KCNQ1OT1: variants seen among roughly 807,000 people sequenced by gnomAD.
The protein encoded by KCNQ1OT1 is KCNQ1 antisense RNA 2 (non-protein coding).
exon 1 of KCNQ1OT1, chr11:2,650,684 T>G (rs2133842354): frequency 2.5e-6 from 1 of 398,652 alleles, no homozygotes; most frequent in African/African-American, 2.1e-5. Context: ...TCTTCTCTGA[T>G]TCTGTATGCA....
Position 2,645,168 on chromosome 11 carries a change from T to C in KCNQ1OT1, n.54827A>G. 1 of 398,620 alleles carries C rather than the reference T, an allele frequency of 2.5e-6. No homozygotes were observed. Among genetic ancestry groups the C allele is most frequent in the Non-Finnish European group, 4.4e-6 (1 of 226,086 alleles). The allele number at this position is 398,620 out of a possible 1,614,324, so 24.7% of individuals were successfully genotyped here. A position where few individuals can be genotyped will look rare whatever the true frequency, so the allele number is the denominator to read the frequency against. ...AATCTTCTGCCTCCCAAGGTGTCCA[T>C]GCTGGTATTGGGATGGCTGGGATAA... On this transcript the variant is annotated non_coding_transcript_exon_variant, in exon 1 of 1. Transcript: ENST00000597346. The surrounding 1 kb of genome is among the most constrained non-coding windows in gnomAD (Gnocchi z 5.8).
Position 2,682,367 on chromosome 11 carries a change from A to G in KCNQ1OT1, n.17628T>C, listed in dbSNP as rs1850412824. 1 of 398,636 alleles carries G rather than the reference A, an allele frequency of 2.5e-6. No homozygotes were observed. The highest frequency in any genetic ancestry group is 4.4e-6 in the Non-Finnish European group (1 of 226,088). The allele number at this position is 398,636 out of a possible 1,614,324, so 24.7% of individuals were successfully genotyped here. On this transcript the variant is annotated non_coding_transcript_exon_variant, in exon 1 of 1. Coordinates refer to ENST00000597346, the Ensembl canonical transcript of KCNQ1OT1. This position sits in a 1 kb window ranked among gnomAD's most constrained non-coding sequence, Gnocchi z 5.8. ...AAGGGTTTACTGGCTGGCTCCTTCT[A>G]TCACATTCAAGGAGCATGAGGGTAT... is the stretch of plus-strand genomic sequence containing the variant.
At chr11:2,697,766 A>G (rs1296278373) in exon 1 of KCNQ1OT1, 1 of 398,504 alleles carries the variant, frequency 2.5e-6, no homozygotes, top group Non-Finnish European at 4.4e-6. Context: ...GGATTCAGTT[A>G]GCTAGCATTG....
exon 1 of KCNQ1OT1, chr11:2,699,964 G>A (rs1297149523): frequency 3.8e-5 from 15 of 398,248 alleles, no homozygotes; most frequent in Non-Finnish European, 6.2e-5. Flanking sequence ...CTCCCTGGAG[G>A]TCCGTGCTGA....
chr11:2,630,563 G>C (rs1246953744), exon 1 of KCNQ1OT1: 1 of 398,050 alleles, frequency 2.5e-6, no homozygotes. Flanking sequence ...GAAAACAATA[G>C]TAATTTTTAA....
chr11:2,696,517 CT>C, exon 1 of KCNQ1OT1: 1 of 398,658 alleles, frequency 2.5e-6, no homozygotes, highest in Non-Finnish European at 4.4e-6. Flanking sequence ...CTCTGCTCTC[CT>C]TTTCAAAAGT....
chr11:2,687,886 G>T lies in KCNQ1OT1; in HGVS notation n.12109C>A, dbSNP rs1165499594. ...AAGGCTGGACTTGGGGTGTCCCGCGGAAATCCTGGTGGGATGGAAAATCCC... is the reference window on the plus strand; with the variant it reads ...AAGGCTGGACTTGGGGTGTCCCGCGTAAATCCTGGTGGGATGGAAAATCCC... On this transcript the variant is annotated non_coding_transcript_exon_variant, in exon 1 of 1. Coordinates refer to ENST00000597346, the Ensembl canonical transcript of KCNQ1OT1. This position sits in a 1 kb window ranked among gnomAD's most constrained non-coding sequence, Gnocchi z 5.0. The T allele has an allele frequency of 2.5e-6, 1 of 398,594 alleles. No homozygotes were observed. The highest frequency in any genetic ancestry group is 4.4e-5 in the Admixed American group (1 of 22,726). The allele number at this position is 398,594 out of a possible 1,614,324, so 24.7% of individuals were successfully genotyped here.
At chr11:2,614,035 G>C (rs1229769484) in exon 1 of KCNQ1OT1, 1 of 398,390 alleles carries the variant, frequency 2.5e-6, no homozygotes, top group Non-Finnish European at 4.4e-6. Context: ...TCCTTAGTGT[G>C]ACTGTGCTAT....
chr11:2,624,649 A>G lies in KCNQ1OT1; in HGVS notation n.75346T>C. ...TTCAGTGAATGTATTAGATACGTTC[A>G]CAATGCTGTGCAATCATCACTATCA... On this transcript the variant is annotated non_coding_transcript_exon_variant, in exon 1 of 1. Transcript: ENST00000597346. This position sits in a 1 kb window ranked among gnomAD's most constrained non-coding sequence, Gnocchi z 4.9. 1 of 398,602 alleles carries G rather than the reference A, an allele frequency of 2.5e-6. No individual in the cohort carries two copies. 24.7% of individuals were successfully genotyped at this position (398,602 alleles called of 1,614,324 possible). A position where few individuals can be genotyped will look rare whatever the true frequency, so the allele number is the denominator to read the frequency against.
At chr11:2,689,611 G>C in exon 1 of KCNQ1OT1, 2 of 398,676 alleles carry the variant, frequency 5.0e-6, no homozygotes, top group South Asian at 2.5e-4. Flanking sequence ...AAGGATCCGG[G>C]TATTTTAGGA....
chr11:2,695,511 A>C lies in KCNQ1OT1; in HGVS notation n.4484T>G. 1 of 398,374 alleles carries C rather than the reference A, an allele frequency of 2.5e-6. No individual in the cohort carries two copies. Among genetic ancestry groups the C allele is most frequent in the East Asian group, 3.6e-5 (1 of 28,072 alleles). The allele number at this position is 398,374 out of a possible 1,614,324, so 24.7% of individuals were successfully genotyped here. A position where few individuals can be genotyped will look rare whatever the true frequency, so the allele number is the denominator to read the frequency against. On this transcript the variant is annotated non_coding_transcript_exon_variant, in exon 1 of 1. Transcript: ENST00000597346. This position sits in a 1 kb window ranked among gnomAD's most constrained non-coding sequence, Gnocchi z 5.2. ...GTGTACATCTAGTCCCCTGCTCCTA[A>C]CCACAGTGACCAGCTCCAACTGCCC...
At chr11:2,648,354 G>A (rs1276926148) in exon 1 of KCNQ1OT1, 11 of 398,294 alleles carry the variant, frequency 2.8e-5, no homozygotes, top group African/African-American at 8.2e-5. Context: ...CTTGAGATGC[G>A]TTTATTAGGT....
exon 1 of KCNQ1OT1, chr11:2,631,870 T>C (rs1382302334): frequency 2.5e-6 from 1 of 398,212 alleles, no homozygotes; most frequent in East Asian, 3.6e-5. Flanking sequence ...TTTCAGATTG[T>C]TTGTGATTAA....
rs1424983227 is a variant in KCNQ1OT1 at position 2,617,323 on chromosome 11, T to C, written n.82672A>G. The C allele has an allele frequency of 2.5e-6, 1 of 398,306 alleles. No individual in the cohort carries two copies. The highest frequency in any genetic ancestry group is 4.4e-6 in the Non-Finnish European group (1 of 225,930). The allele number at this position is 398,306 out of a possible 1,614,324, so 24.7% of individuals were successfully genotyped here. ...AAGATTCTACATATAGGTGAGATTA[T>C]TTAAAACTTTTCATTTGTATATGGC... On this transcript the variant is annotated non_coding_transcript_exon_variant, in exon 1 of 1. Coordinates refer to ENST00000597346, the Ensembl canonical transcript of KCNQ1OT1. This position sits in a 1 kb window ranked among gnomAD's most constrained non-coding sequence, Gnocchi z 4.6.
exon 1 of KCNQ1OT1, chr11:2,631,375 T>C: frequency 5.0e-6 from 2 of 398,562 alleles, no homozygotes; most frequent in Non-Finnish European, 8.8e-6. Flanking sequence ...GCTGATGCTT[T>C]CTATTTCACT....
exon 1 of KCNQ1OT1, chr11:2,686,860 C>T: frequency 2.5e-6 from 1 of 398,694 alleles, no homozygotes; most frequent in Non-Finnish European, 4.4e-6. Context: ...TGGCCAGAGG[C>T]CCTGGTTTGT....
At chr11:2,662,032 C>T in exon 1 of KCNQ1OT1, 3 of 1,614,232 alleles carry the variant, frequency 1.9e-6, no homozygotes, top group Non-Finnish European at 2.5e-6. Flanking sequence ...CGCCGAGGAC[C>T]TGGACCTGGA....
In KCNQ1OT1 at chr11:2,679,689, T is replaced by C; in HGVS notation, n.20306A>G. 1 of 397,954 alleles carries C rather than the reference T, an allele frequency of 2.5e-6. No homozygotes were observed. Among genetic ancestry groups the C allele is most frequent in the Non-Finnish European group, 4.4e-6 (1 of 226,016 alleles). The allele number at this position is 397,954 out of a possible 1,614,324, so 24.7% of individuals were successfully genotyped here. On this transcript the variant is annotated non_coding_transcript_exon_variant, in exon 1 of 1. Transcript: ENST00000597346. The surrounding 1 kb of genome is among the most constrained non-coding windows in gnomAD (Gnocchi z 4.8). ...AGGATGCATAGGATCCCAGATTAGA[T>C]TTTTTTTAAATCAGCCGTTCTCTGT... is the stretch of plus-strand genomic sequence containing the variant.
At chr11:2,622,696 A>ATGTGTG in exon 1 of KCNQ1OT1, 1 of 398,332 alleles carries the variant, frequency 2.5e-6, no homozygotes. Context: ...GATTGTCTGT[A>ATGTGTG]TGTGTGTATG....
Sources: allele counts gnomAD v4.1 joint callset, GRCh38; gene constraint gnomAD v4.1.1; non-coding constraint Gnocchi (gnomAD v3.1); transcripts MANE v1.5; gene names NCBI Gene and HGNC (gene_info 2026-07-23, HGNC 2026-07-21).